The following UGGT1 variants were observed in gnomAD, a reference collection of about 807,000 sequenced individuals.
UGGT1 encodes the protein UDP-glucose glycoprotein glucosyltransferase 1.
In UGGT1, 107 loss-of-function variants were observed where a neutral mutation model predicts 203.9. The ratio of observed to expected loss-of-function variants is 0.52; its 90% CI spans 0.45 to 0.62. UGGT1 has a LOEUF of 0.62. Ranked by LOEUF, UGGT1 falls within the 20% of genes least tolerant of loss-of-function variation. UGGT1 has a pLI of 0.00. For synonymous variants in UGGT1, 628 were observed against 653.5 expected, an observed-to-expected ratio of 0.96 and a Z score of 0.59; for missense variants, 1,673 against 1,867.2, an observed-to-expected ratio of 0.90 and a Z score of 1.92.
chr2:128,112,147 C>T (rs1687887017), intron 5 of UGGT1, among the ~76,000 whole-genome samples: 2 of 148,444 alleles, frequency 1.3e-5, no homozygotes, highest in South Asian at 4.3e-4. Context: ...TTGGCCAGGC[C>T]TGGTGGCTTT....
intron 38 of UGGT1, among the ~76,000 whole-genome samples, chr2:128,184,800 G>A (rs1055815473): frequency 6.6e-6 from 1 of 152,016 alleles, no homozygotes; most frequent in African/African-American, 2.4e-5. Context: ...TCCTGCCTCA[G>A]CCTCCTGAGT....
At position 128,115,216 on chromosome 2, in the gene UGGT1, G is replaced by A; in HGVS notation, c.789G>A (p.Val263=). ...TEYKAKDDTQ[V]KGTEVNTTVI... is the part of the protein sequence containing the mutation. ...ACAAGGCCAAGGATGATACTCAGGT[G>A]AAAGGTGAATTTGTAAAAATGGGAC... The change falls in exon 7 of 41, where the codon GTG becomes GTA. Residue 263 remains valine, a synonymous_variant. Coordinates refer to ENST00000259253, the MANE Select transcript of UGGT1 (RefSeq NM_020120.4). 1 of 1,613,182 alleles carries A rather than the reference G, an allele frequency of 6.2e-7. No homozygotes were observed. The highest frequency in any genetic ancestry group is 1.1e-5 in the South Asian group (1 of 90,982).
At chr2:128,161,302 A>G in intron 25 of UGGT1, 34 bp downstream of exon 25, 2 of 1,606,556 alleles carry the variant, frequency 1.2e-6, no homozygotes, top group Non-Finnish European at 1.7e-6. Flanking sequence ...TACAGGGGTT[A>G]TATAATTGGA....
intron 34 of UGGT1, 89 bp from the exon 35 acceptor site, chr2:128,179,697 C>T (rs1344860043): frequency 9.0e-7 from 1 of 1,110,964 alleles, no homozygotes; most frequent in Non-Finnish European, 1.3e-6. Flanking sequence ...CCGTAAAGAG[C>T]ATTTAGGTGT....
chr2:128,104,546 CTATA>C (rs1405008561), intron 3 of UGGT1, among the ~76,000 whole-genome samples: 1 of 152,144 alleles, frequency 6.6e-6, no homozygotes, highest in Non-Finnish European at 1.5e-5. Flanking sequence ...TTCGTATAAG[CTATA>C]TAGGGTGTAA....
intron 19 of UGGT1, among the ~76,000 whole-genome samples, chr2:128,154,060 T>TATACACAC (rs147214333): frequency 0.1 from 15,702 of 149,642 alleles, 991 homozygotes; most frequent in Non-Finnish European, 0.15. Context: ...CATGTATATA[T>TATACACAC]ACACACACAC....
Position 128,160,395 on chromosome 2 carries a change from GTTTA to G in UGGT1, c.2563-61_2563-58del, listed in dbSNP as rs950212913. 1.5e-5 allele frequency: 22 copies of G among 1,490,916 alleles called. No homozygotes were observed. In the African/African-American group the frequency reaches 2.7e-4, roughly 18 times the overall value. The allele number at this position is 1,490,916 out of a possible 1,614,324, so 92.4% of individuals were successfully genotyped here. A position where few individuals can be genotyped will look rare whatever the true frequency, so the allele number is the denominator to read the frequency against. On this transcript the variant is annotated intron_variant, in intron 23 of 40. Transcript: ENST00000259253. ...GAAATTTTTATGGTTTATTCACTGT[GTTTA>G]TTTGTTTATATGGTTTGCTTAGTAA...
rs200758318 is a variant in UGGT1 at position 128,159,547 on chromosome 2, A to G, written c.2389A>G (p.Asn797Asp). 76 of 1,614,106 alleles carry G rather than the reference A, an allele frequency of 4.7e-5. No individual in the cohort carries two copies. In the Admixed American group the frequency reaches 5.0e-4, roughly 11 times the overall value. Residue 797 changes from asparagine (N) to aspartate (D), a missense_variant, in exon 23 of 41, where the codon AAT (asparagine) becomes GAT (aspartate). Coordinates refer to ENST00000259253, the MANE Select transcript of UGGT1 (RefSeq NM_020120.4). Reference protein sequence around the residue: ...SSNNVRISMINNPAKEISYEN... With the variant: ...SSNNVRISMIDNPAKEISYEN... The stretch of plus-strand genomic sequence containing the variant: ...TAACAATGTTAGAATAAGCATGATC[A>G]ATAATCCTGCCAAAGAGATAAGCTA...
intron 12 of UGGT1, among the ~76,000 whole-genome samples, chr2:128,128,495 G>A (rs1688715914): frequency 6.6e-6 from 1 of 151,952 alleles, no homozygotes; most frequent in Admixed American, 6.6e-5. Flanking sequence ...TGTATTTTTA[G>A]TGGAGATGGG....
chr2:128,152,993 C>T (rs1690048342), intron 19 of UGGT1, 89 bp downstream of exon 19: 1 of 1,576,936 alleles, frequency 6.3e-7, no homozygotes, highest in Non-Finnish European at 8.6e-7. Flanking sequence ...TTCTGATTAT[C>T]TTCTGCAGTG....
chr2:128,168,429 C>T (rs188440098), intron 26 of UGGT1, among the ~76,000 whole-genome samples: 1 of 152,294 alleles, frequency 6.6e-6, no homozygotes, highest in Admixed American at 6.5e-5. Flanking sequence ...GAAGTAACCT[C>T]CATGAGCATG....
At chr2:128,112,550 A>G (rs1236367033) in intron 5 of UGGT1, among the ~76,000 whole-genome samples, 1 of 132,868 alleles carries the variant, frequency 7.5e-6, no homozygotes, top group African/African-American at 2.7e-5. Flanking sequence ...CCCTTTTAGG[A>G]ATTGGTAGCT....
In UGGT1 at chr2:128,095,755, G is replaced by A. The variant is rs945344091; in HGVS notation, c.59-1674G>A. ...ATTTGTTATAATTTATTTTGCTTTTGACCATCGTTCTTCAGAGATACTGTA... is the reference window on the plus strand; with the variant it reads ...ATTTGTTATAATTTATTTTGCTTTTAACCATCGTTCTTCAGAGATACTGTA... On this transcript the variant is annotated intron_variant, in intron 1 of 40. Transcript: ENST00000259253. Among the ~76,000 whole-genome samples, 3 of 152,080 alleles carry A rather than the reference G, an allele frequency of 2.0e-5. No individual in the cohort carries two copies. In the East Asian group the frequency reaches 5.8e-4, roughly 29 times the overall value.
intron 40 of UGGT1, 98 bp from the exon 41 acceptor site, chr2:128,189,608 GAAGGTGGAGGT>G: frequency 9.2e-7 from 1 of 1,092,814 alleles, no homozygotes; most frequent in Non-Finnish European, 1.4e-6. Flanking sequence ...GAGATAAGAT[GAAGGTGGAGGT>G]ACAAAGAATA....
intron 16 of UGGT1, among the ~76,000 whole-genome samples, chr2:128,141,316 C>T (rs928829628): frequency 8.6e-5 from 13 of 151,862 alleles, no homozygotes; most frequent in Non-Finnish European, 1.2e-4. Context: ...AAAATTGGGC[C>T]GGGCACGGTG....
chr2:128,104,723 T>C (rs1687524012), intron 3 of UGGT1, among the ~76,000 whole-genome samples: 1 of 152,328 alleles, frequency 6.6e-6, no homozygotes, highest in African/African-American at 2.4e-5. Flanking sequence ...CTGGGCTCAC[T>C]GCAACCTCCA....
chr2:128,174,877 G>T lies in UGGT1; in HGVS notation c.3539+19G>T. ...TTTACAGGTAGGAGTAAGTGATGCA[G>T]TTACATTATCCCAGAACTTTTAGAA... On this transcript the variant is annotated intron_variant, in intron 31 of 40. Transcript: ENST00000259253. 6.3e-7 allele frequency: 1 copy of T among 1,596,572 alleles called. No individual in the cohort carries two copies. The highest frequency in any genetic ancestry group is 8.6e-7 in the Non-Finnish European group (1 of 1,168,454).
intron 21 of UGGT1, 42 bp downstream of exon 21, chr2:128,156,457 C>T (rs1237588518): frequency 2.7e-6 from 4 of 1,496,570 alleles, no homozygotes; most frequent in African/African-American, 2.8e-5. Flanking sequence ...TAATTTTCTT[C>T]TTTGGTTTCA....
chr2:128,140,695 T>G (rs1689377448), intron 16 of UGGT1, among the ~76,000 whole-genome samples: 1 of 152,134 alleles, frequency 6.6e-6, no homozygotes, highest in African/African-American at 2.4e-5. Flanking sequence ...AAATTTTTTT[T>G]AGAGACAGGA....
Sources: gnomAD v4.1 joint callset for allele counts (sites outside exome capture counted in the v4.1 genomes callset) on GRCh38, gnomAD v4.1.1 for gene constraint, MANE v1.5 for transcripts, NCBI Gene and HGNC (gene_info 2026-07-23, HGNC 2026-07-21) for gene names.